The following PAM variants were observed in gnomAD, a reference collection of about 807,000 sequenced individuals.
PAM encodes peptidylglycine alpha-amidating monooxygenase.
PAM carries 72 observed loss-of-function variants against 122.1 expected under a neutral mutation model. The ratio of observed to expected loss-of-function variants is 0.59; its 90% CI spans 0.49 to 0.72. The LOEUF is 0.72. Ranked by LOEUF, PAM falls within the 30% of genes least tolerant of loss-of-function variation. PAM has a pLI of 0.00. For missense variants in PAM, 1,106 were observed against 1,183.7 expected, an observed-to-expected ratio of 0.93 and a Z score of 0.96; for synonymous variants, 389 against 404.4, an observed-to-expected ratio of 0.96 and a Z score of 0.46.
chr5:102,981,994 A>G (rs992653568), intron 15 of PAM, among the ~76,000 whole-genome samples: 2 of 152,070 alleles, frequency 1.3e-5, no homozygotes, highest in African/African-American at 2.4e-5. Flanking sequence ...ATGGACATAC[A>G]CCATCAGAGA....
chr5:102,983,462 A>G (rs79786545), intron 15 of PAM, among the ~76,000 whole-genome samples: 1 of 142,606 alleles, frequency 7.0e-6, no homozygotes, highest in Admixed American at 7.1e-5. Context: ...AAAAAAAAAA[A>G]TCCTGAGATT....
intron 16 of PAM, among the ~76,000 whole-genome samples, chr5:102,993,169 A>G (rs1192646238): frequency 6.6e-6 from 1 of 152,026 alleles, no homozygotes; most frequent in African/African-American, 2.4e-5. Flanking sequence ...CCTTACTTCA[A>G]TATCGCTTCT....
At chr5:102,880,242 C>T (rs1790533607) in intron 3 of PAM, among the ~76,000 whole-genome samples, 1 of 151,628 alleles carries the variant, frequency 6.6e-6, no homozygotes. Context: ...GAGTGTGCTG[C>T]TGCACTCCAG....
In PAM at chr5:103,029,342, G is replaced by T; in HGVS notation, c.*277G>T. The T allele has an allele frequency of 3.5e-6, 1 of 284,586 alleles. No individual in the cohort carries two copies. The highest frequency in any genetic ancestry group is 6.0e-5 in the East Asian group (1 of 16,630). The allele number at this position is 284,586 out of a possible 1,614,324, so 17.6% of individuals were successfully genotyped here. ...ATTCTAATCTAACAATGGAAGATTTGCCCATTTACACTTTTGAGACTTTTT... is the reference window on the plus strand; with the variant it reads ...ATTCTAATCTAACAATGGAAGATTTTCCCATTTACACTTTTGAGACTTTTT... On this transcript the variant is annotated 3_prime_UTR_variant, in exon 26 of 26. Coordinates refer to ENST00000438793, the MANE Select transcript of PAM (RefSeq NM_001177306.2).
At chr5:102,759,643 G>T (rs1313773104) in intron 1 of PAM, among the ~76,000 whole-genome samples, 1 of 152,156 alleles carries the variant, frequency 6.6e-6, no homozygotes, top group African/African-American at 2.4e-5. Flanking sequence ...AGACAAATCT[G>T]TAGTTGGAAT....
intron 1 of PAM, among the ~76,000 whole-genome samples, chr5:102,862,419 A>G (rs1784441908): frequency 6.6e-6 from 1 of 152,192 alleles, no homozygotes; most frequent in Non-Finnish European, 1.5e-5. Context: ...TTTTTGCCTA[A>G]GAATTAATCC....
intron 1 of PAM, among the ~76,000 whole-genome samples, chr5:102,788,890 G>T (rs1276623222): frequency 6.6e-6 from 1 of 152,114 alleles, no homozygotes; most frequent in East Asian, 1.9e-4. Context: ...GATAAAATGT[G>T]TTCATTGTCA....
At chr5:102,928,265 A>C (rs1581793247) in intron 7 of PAM, among the ~76,000 whole-genome samples, 1 of 152,328 alleles carries the variant, frequency 6.6e-6, no homozygotes, top group East Asian at 1.9e-4. Flanking sequence ...ACTCCAGAGA[A>C]AACACATGAT....
chr5:102,980,752 TTTTC>T (rs1769481728), intron 15 of PAM, among the ~76,000 whole-genome samples: 1 of 152,140 alleles, frequency 6.6e-6, no homozygotes, highest in African/African-American at 2.4e-5. Context: ...ACCATGAAGT[TTTTC>T]TTTAACTATC....
intron 16 of PAM, among the ~76,000 whole-genome samples, chr5:102,996,131 T>A (rs1397023285): frequency 2.0e-5 from 3 of 152,192 alleles, no homozygotes; most frequent in Non-Finnish European, 4.4e-5. Context: ...CAGCCTTATC[T>A]AAACTGTTTG....
intron 6 of PAM, among the ~76,000 whole-genome samples, chr5:102,926,370 T>G (rs1203072106): frequency 6.6e-6 from 1 of 152,252 alleles, no homozygotes; most frequent in East Asian, 1.9e-4. Flanking sequence ...GGTTCTGAAG[T>G]GGGAACTATG....
At chr5:102,941,792 G>A (rs912926927) in intron 7 of PAM, among the ~76,000 whole-genome samples, 1 of 114,774 alleles carries the variant, frequency 8.7e-6, no homozygotes, top group Non-Finnish European at 1.6e-5. Context: ...TTTGAGTACT[G>A]TTAACTGACT....
chr5:102,779,652 C>T (rs1758076923), intron 1 of PAM, among the ~76,000 whole-genome samples: 1 of 151,766 alleles, frequency 6.6e-6, no homozygotes, highest in Non-Finnish European at 1.5e-5. Flanking sequence ...ACAATCTAAT[C>T]AGCGGCCAGT....
intron 25 of PAM, among the ~76,000 whole-genome samples, chr5:103,028,662 C>T (rs911288992): frequency 1.3e-5 from 2 of 152,150 alleles, no homozygotes; most frequent in African/African-American, 4.8e-5. Context: ...ATGAAATATT[C>T]CTGCAGAAAT....
intron 15 of PAM, among the ~76,000 whole-genome samples, chr5:102,981,391 A>T (rs916886520): frequency 6.6e-5 from 10 of 152,248 alleles, no homozygotes; most frequent in Admixed American, 6.5e-4. Context: ...TATTGTCTTT[A>T]TTGATAGTAA....
intron 3 of PAM, among the ~76,000 whole-genome samples, chr5:102,869,785 T>C (rs1786780508): frequency 6.6e-6 from 1 of 152,022 alleles, no homozygotes; most frequent in African/African-American, 2.4e-5. Context: ...TTGAAGAAAG[T>C]ATTATTTTCT....
At chr5:102,995,753 A>G (rs1186295075) in intron 16 of PAM, among the ~76,000 whole-genome samples, 5 of 152,096 alleles carry the variant, frequency 3.3e-5, no homozygotes, top group African/African-American at 7.2e-5. Flanking sequence ...ATGGCACTAA[A>G]TAGTCATACT....
intron 1 of PAM, among the ~76,000 whole-genome samples, chr5:102,778,415 A>G (rs75254393): frequency 0.028 from 4,310 of 152,290 alleles, 101 homozygotes; most frequent in Non-Finnish European, 0.044. Context: ...AGTAAACAAG[A>G]GGAAAAATTA....
At chr5:102,808,102 C>T (rs367931992) in intron 1 of PAM, 27 of 152,202 alleles carry the variant, frequency 1.8e-4, no homozygotes, top group African/African-American at 5.8e-4. Flanking sequence ...CCAAGTCTCT[C>T]CTGATGATGT....
Sources: allele counts gnomAD v4.1 joint callset (sites outside exome capture counted in the v4.1 genomes callset), GRCh38; gene constraint gnomAD v4.1.1; transcripts MANE v1.5; gene names NCBI Gene and HGNC (gene_info 2026-07-23, HGNC 2026-07-21).